The following CDH12 variants were observed in gnomAD, a reference collection of about 807,000 sequenced individuals.
The protein encoded by CDH12 is cadherin-12.
Under a neutral mutation model 74.1 loss-of-function variants are expected in CDH12, and 41 were observed. The ratio of observed to expected loss-of-function variants is 0.55; its 90% CI spans 0.43 to 0.72. CDH12 has a LOEUF of 0.72. CDH12 is among the 30% of genes least tolerant of loss of function. The pLI, the probability that CDH12 is intolerant of heterozygous loss-of-function variation, is 0.00. For synonymous variants in CDH12, 399 were observed against 355.0 expected, an observed-to-expected ratio of 1.12 and a Z score of -1.39; for missense variants, 945 against 977.2, an observed-to-expected ratio of 0.97 and a Z score of 0.44.
intron 4 of CDH12, among the ~76,000 whole-genome samples, chr5:22,166,250 G>T (rs1251670251): frequency 2.0e-5 from 3 of 152,092 alleles, no homozygotes; most frequent in African/African-American, 7.2e-5. Context: ...TATCTCTCTT[G>T]TTCGTTGATG....
intron 3 of CDH12, among the ~76,000 whole-genome samples, chr5:22,357,582 TA>T (rs1309803790): frequency 5.3e-5 from 8 of 152,178 alleles, no homozygotes; most frequent in South Asian, 2.1e-4. Flanking sequence ...TATTTTACAA[TA>T]AAAAAGTGGG....
At chr5:22,807,944 CA>C (rs994778599) in intron 1 of CDH12, among the ~76,000 whole-genome samples, 6 of 151,666 alleles carry the variant, frequency 4.0e-5, no homozygotes, top group South Asian at 2.1e-4. Context: ...TAAACAGAAA[CA>C]AAAAAAATTA....
intron 3 of CDH12, among the ~76,000 whole-genome samples, chr5:22,389,829 T>C (rs377257361): frequency 2.0e-5 from 3 of 151,918 alleles, no homozygotes; most frequent in East Asian, 3.9e-4. Context: ...TCTGTATTTT[T>C]AGTAGAGAGG....
At chr5:22,176,240 T>C (rs1244204122) in intron 4 of CDH12, among the ~76,000 whole-genome samples, 1 of 152,112 alleles carries the variant, frequency 6.6e-6, no homozygotes, top group Non-Finnish European at 1.5e-5. Flanking sequence ...ACTTTTCATA[T>C]TTGAATGAAA....
intron 10 of CDH12, among the ~76,000 whole-genome samples, chr5:21,786,345 G>T (rs540724601): frequency 6.6e-6 from 1 of 151,994 alleles, no homozygotes; most frequent in Non-Finnish European, 1.5e-5. Context: ...GTAGAGATGG[G>T]GTTTCACCAT....
chr5:21,991,951 A>G (rs1045298059), intron 5 of CDH12, among the ~76,000 whole-genome samples: 7 of 152,170 alleles, frequency 4.6e-5, no homozygotes, highest in African/African-American at 1.4e-4. Context: ...TAATTTATAC[A>G]TAATATTTAT....
intron 1 of CDH12, among the ~76,000 whole-genome samples, chr5:22,682,250 C>T (rs1048321554): frequency 3.9e-5 from 6 of 151,972 alleles, no homozygotes; most frequent in African/African-American, 9.7e-5. Context: ...TAGTGAACAT[C>T]AAAATTTCAG....
intron 1 of CDH12, among the ~76,000 whole-genome samples, chr5:22,632,749 T>C (rs73062263): frequency 0.055 from 8,374 of 151,722 alleles, 742 homozygotes; most frequent in African/African-American, 0.18. Flanking sequence ...AAATAAATAA[T>C]ATGTGGATAC....
intron 11 of CDH12, among the ~76,000 whole-genome samples, chr5:21,783,081 C>T (rs994653105): frequency 3.3e-5 from 5 of 151,904 alleles, no homozygotes; most frequent in African/African-American, 9.7e-5. Context: ...AATTAAAACT[C>T]GGGTGAATTT....
In CDH12 at chr5:22,183,984, G is replaced by A. The variant is rs146413632; in HGVS notation, c.-187+28514C>T. Among the ~76,000 whole-genome samples, 1,349 of 151,384 alleles carry A rather than the reference G, an allele frequency of 8.9e-3. 7 individuals are homozygous for A. Among genetic ancestry groups the A allele is most frequent in the Non-Finnish European group, 0.013 (863 of 67,870 alleles). On this transcript the variant is annotated intron_variant, in intron 4 of 14. Coordinates refer to ENST00000382254, the MANE Select transcript of CDH12 (RefSeq NM_004061.5). ...TTTTCTGTCCTAATATATGAAGAACGGCTAGTTTGCAAAGGAAGAATAAAT... is the reference window on the plus strand; with the variant it reads ...TTTTCTGTCCTAATATATGAAGAACAGCTAGTTTGCAAAGGAAGAATAAAT...
chr5:22,629,958 C>A (rs1466164980), intron 1 of CDH12, among the ~76,000 whole-genome samples: 2 of 151,962 alleles, frequency 1.3e-5, no homozygotes, highest in Non-Finnish European at 2.9e-5. Context: ...TTTCTGTACA[C>A]CAAAAATGTC....
intron 5 of CDH12, among the ~76,000 whole-genome samples, chr5:22,058,399 G>A (rs1740902632): frequency 6.6e-6 from 1 of 151,968 alleles, no homozygotes; most frequent in South Asian, 2.1e-4. Context: ...CTTCAGGCAT[G>A]GCTTCATAAG....
chr5:22,244,516 AAAAAAAAAAAAAAAAAAGAAG>A (rs1338592565), intron 3 of CDH12, among the ~76,000 whole-genome samples: 2,474 of 48,172 alleles, frequency 0.051, 341 homozygotes, highest in East Asian at 0.059. Flanking sequence ...AAAAAAAAAA[AAAAAAAAAAAAAAAAAAGAAG>A]AAGAAGAAGA....
chr5:22,165,947 T>C (rs1748658145), intron 4 of CDH12, among the ~76,000 whole-genome samples: 1 of 152,170 alleles, frequency 6.6e-6, no homozygotes, highest in Admixed American at 6.5e-5. Flanking sequence ...TTGTTTAGTA[T>C]ATAATCAAGA....
chr5:22,755,540 G>T (rs1001043470), intron 1 of CDH12, among the ~76,000 whole-genome samples: 11 of 152,078 alleles, frequency 7.2e-5, no homozygotes, highest in Non-Finnish European at 1.0e-4. Context: ...TTGGTAAAAA[G>T]TTCTTGAAGG....
At chr5:22,193,193 T>C (rs892005268) in intron 4 of CDH12, among the ~76,000 whole-genome samples, 3 of 152,228 alleles carry the variant, frequency 2.0e-5, no homozygotes, top group Non-Finnish European at 4.4e-5. Flanking sequence ...TACTAAATGT[T>C]TTGAACACCA....
chr5:22,366,039 A>G (rs1249043807), intron 3 of CDH12, among the ~76,000 whole-genome samples: 7 of 151,948 alleles, frequency 4.6e-5, no homozygotes, highest in Non-Finnish European at 1.0e-4. Flanking sequence ...GCTCACTGCA[A>G]CCCCTGCCTC....
chr5:22,236,583 A>C (rs538415048), intron 3 of CDH12, among the ~76,000 whole-genome samples: 224 of 152,062 alleles, frequency 1.5e-3, no homozygotes, highest in Non-Finnish European at 2.5e-3. Context: ...AAATACAAAA[A>C]ACACACACAA....
intron 4 of CDH12, among the ~76,000 whole-genome samples, chr5:22,163,420 A>G (rs1169671716): frequency 1.3e-5 from 2 of 152,178 alleles, no homozygotes; most frequent in African/African-American, 4.8e-5. Context: ...TGCATCTCAA[A>G]CTTGGCATGC....
Sources: gnomAD v4.1 joint callset for allele counts (sites outside exome capture counted in the v4.1 genomes callset) on GRCh38, gnomAD v4.1.1 for gene constraint, MANE v1.5 for transcripts, NCBI Gene and HGNC (gene_info 2026-07-23, HGNC 2026-07-21) for gene names.